The following CACNA1C variants were observed in gnomAD, a reference collection of about 807,000 sequenced individuals.
CACNA1C encodes calcium voltage-gated channel subunit alpha1 C.
CACNA1C carries 30 observed loss-of-function variants against 229.0 expected under a neutral mutation model. The ratio of observed to expected loss-of-function variants is 0.13; its 90% confidence interval spans 0.10 to 0.18. The LOEUF is 0.18. Among genes scored for constraint, CACNA1C ranks in the 10% least tolerant of loss-of-function variants. The pLI is 1.00. For synonymous variants in CACNA1C, 1,114 were observed against 1,132.5 expected (o/e 0.98, Z 0.33); for missense variants, 1,658 against 2,845.0 (o/e 0.58, Z 9.49).
At chr12:2,413,486 G>C (rs1215507541) in intron 3 of CACNA1C, among the ~76,000 whole-genome samples, 1 of 152,172 alleles carries the variant, frequency 6.6e-6, no homozygotes, top group Non-Finnish European at 1.5e-5. Context: ...AGTCAGCTGA[G>C]ATGGAAATGT....
chr12:2,189,311 C>T (rs997056214), intron 3 of CACNA1C, among the ~76,000 whole-genome samples: 8 of 152,050 alleles, frequency 5.3e-5, no homozygotes, highest in African/African-American at 1.5e-4. Flanking sequence ...GACAGAGGTC[C>T]CTTGCTGGCT....
chr12:2,517,994 G>C (rs377264476), intron 9 of CACNA1C, among the ~76,000 whole-genome samples: 1 of 152,198 alleles, frequency 6.6e-6, no homozygotes, highest in Non-Finnish European at 1.5e-5. Flanking sequence ...GGATGAGCAC[G>C]TAAACAGACA....
chr12:2,305,967 T>C (rs2094976881), intron 3 of CACNA1C, among the ~76,000 whole-genome samples: 1 of 152,240 alleles, frequency 6.6e-6, no homozygotes, highest in African/African-American at 2.4e-5. Flanking sequence ...TTAGCTCATG[T>C]AATCCTCATA....
intron 1 of CACNA1C, chr12:2,004,568 C>T (rs1328049974): frequency 7.8e-6 from 10 of 1,279,052 alleles, no homozygotes; most frequent in African/African-American, 7.5e-5. Flanking sequence ...CAGTCACCCC[C>T]ACCCTCCTGC....
At chr12:2,143,246 G>GT (rs2094430758) in intron 3 of CACNA1C, among the ~76,000 whole-genome samples, 1 of 151,178 alleles carries the variant, frequency 6.6e-6, no homozygotes, top group Non-Finnish European at 1.5e-5. Context: ...GGGATTCCAG[G>GT]TGTGAGCCAC....
At chr12:2,290,821 G>A (rs759003261) in intron 3 of CACNA1C, among the ~76,000 whole-genome samples, 1 of 152,178 alleles carries the variant, frequency 6.6e-6, no homozygotes, top group Non-Finnish European at 1.5e-5. Flanking sequence ...GATCTGAGAC[G>A]TGTTCCAGGA....
intron 11 of CACNA1C, among the ~76,000 whole-genome samples, chr12:2,563,844 C>G (rs904034941): frequency 6.6e-6 from 1 of 152,220 alleles, no homozygotes; most frequent in African/African-American, 2.4e-5. Context: ...GCACACAGCA[C>G]GGAGCTGTCC....
chr12:2,533,933 C>A (rs930707966), intron 9 of CACNA1C, among the ~76,000 whole-genome samples: 1 of 152,184 alleles, frequency 6.6e-6, no homozygotes, highest in African/African-American at 2.4e-5. Context: ...GCTGGACTCT[C>A]CTAATGAACG....
chr12:2,490,154 C>A (rs2099713416), intron 6 of CACNA1C, among the ~76,000 whole-genome samples: 1 of 152,246 alleles, frequency 6.6e-6, no homozygotes, highest in African/African-American at 2.4e-5. Context: ...AGCAGAGTGG[C>A]ACTAAACCTT....
In CACNA1C at chr12:2,677,240, GC is replaced by G; in HGVS notation, c.4956+22del. The G allele has an allele frequency of 1.2e-6, 2 of 1,612,108 alleles. No individual in the cohort carries two copies. The highest frequency in any genetic ancestry group is 1.7e-6 in the Non-Finnish European group (2 of 1,179,102). ...TCTGCAGGTGAGGGCCTGGGGGCGG[GC>G]CCACACTCCAGGAAGGTCCTGGTCA... On this transcript the variant is annotated intron_variant, in intron 40 of 46. Coordinates refer to ENST00000399655, the MANE Select transcript of CACNA1C (RefSeq NM_000719.7). This position sits in a 1 kb window ranked among gnomAD's most constrained non-coding sequence, Gnocchi z 7.4.
Position 2,232,227 on chromosome 12 carries a change from G to GTTTTTTTTTTTTTTTTT in CACNA1C, c.477+111806_477+111822dup, listed in dbSNP as rs1169407536. 9.4e-4 allele frequency among the ~76,000 whole-genome samples: 69 copies of GTTTTTTTTTTTTTTTTT among 73,540 alleles called. 1 individual carries two copies. Among genetic ancestry groups the GTTTTTTTTTTTTTTTTT allele is most frequent in the East Asian group, 1.5e-3 (3 of 1,936 alleles). The allele number at this position is 73,540 out of a possible 152,430, so 48.2% of individuals were successfully genotyped here. On this transcript the variant is annotated intron_variant, in intron 3 of 46. Coordinates refer to ENST00000399655, the MANE Select transcript of CACNA1C (RefSeq NM_000719.7). Reference sequence around the variant, plus strand: ...TGGTGGTAGTTCTCAGTCTTTCCTTGTTTTTTTTTTTTTTTTTTTTTTTTT... The same window carrying GTTTTTTTTTTTTTTTTT: ...TGGTGGTAGTTCTCAGTCTTTCCTTGTTTTTTTTTTTTTTTTTTTTTTTTTTTTTTTTTTTTTTTTTT...
intron 10 of CACNA1C, chr12:2,550,529 C>G (rs1455320676): frequency 7.4e-7 from 1 of 1,349,476 alleles, no homozygotes. Flanking sequence ...ACCTGAAGCT[C>G]TCTCATCCTG....
chr12:2,212,582 G>A (rs1223179465), intron 3 of CACNA1C, among the ~76,000 whole-genome samples: 3 of 152,200 alleles, frequency 2.0e-5, no homozygotes, highest in African/African-American at 7.2e-5. Flanking sequence ...TTAGAATGCA[G>A]AGCTTATAAT....
intron 11 of CACNA1C, among the ~76,000 whole-genome samples, chr12:2,560,705 A>G (rs1233936452): frequency 6.6e-6 from 1 of 152,120 alleles, no homozygotes; most frequent in Admixed American, 6.5e-5. Flanking sequence ...TGTGCTTCCA[A>G]TGTTCTCTTC....
intron 3 of CACNA1C, among the ~76,000 whole-genome samples, chr12:2,364,456 C>T (rs893301936): frequency 6.6e-5 from 10 of 152,112 alleles, no homozygotes; most frequent in Non-Finnish European, 1.3e-4. Flanking sequence ...TGTGGCGGCC[C>T]AGTGCAGAGA....
At chr12:2,555,413 G>T (rs183009421) in intron 10 of CACNA1C, among the ~76,000 whole-genome samples, 94 of 152,330 alleles carry the variant, frequency 6.2e-4, no homozygotes, top group Non-Finnish European at 1.1e-3. Flanking sequence ...GAAGTCCATG[G>T]TCACCCACTT....
chr12:2,592,709 T>A (rs1453323401), intron 18 of CACNA1C, among the ~76,000 whole-genome samples: 1 of 151,610 alleles, frequency 6.6e-6, no homozygotes, highest in East Asian at 1.9e-4. Context: ...ATGAATTTTT[T>A]TTTTTTTTTT....
chr12:2,048,838 C>T (rs1238515659), upstream of CACNA1C, among the ~76,000 whole-genome samples: 1 of 152,104 alleles, frequency 6.6e-6, no homozygotes, highest in Non-Finnish European at 1.5e-5. Context: ...CTTTTCAAGC[C>T]TTGGACCAGA....
chr12:2,456,569 C>T (rs1455278708), intron 4 of CACNA1C, among the ~76,000 whole-genome samples: 1 of 152,204 alleles, frequency 6.6e-6, no homozygotes, highest in Non-Finnish European at 1.5e-5. Context: ...GCACACCCTG[C>T]CCCTCCCTTG....
Sources: allele counts gnomAD v4.1 joint callset (sites outside exome capture counted in the v4.1 genomes callset), GRCh38; gene constraint gnomAD v4.1.1; non-coding constraint Gnocchi (gnomAD v3.1); transcripts MANE v1.5; gene names NCBI Gene and HGNC (gene_info 2026-07-23, HGNC 2026-07-21).